The following KCNIP4 variants were observed in gnomAD, a reference collection of about 807,000 sequenced individuals.
The protein encoded by KCNIP4 is Kv channel-interacting protein 4.
A neutral mutation model predicts 34.0 loss-of-function variants in KCNIP4; 12 were observed. The observed-to-expected ratio is 0.35, with a 90% CI of 0.23 to 0.57. KCNIP4 has a LOEUF of 0.57. Ranked by LOEUF, KCNIP4 falls within the 20% of genes least tolerant of loss-of-function variation. The pLI, the probability that KCNIP4 is intolerant of heterozygous loss-of-function variation, is 0.83. For missense variants in KCNIP4, 238 were observed against 311.7 expected, an observed-to-expected ratio of 0.76 and a Z score of 1.78; for synonymous variants, 124 against 102.2, an observed-to-expected ratio of 1.21 and a Z score of -1.29.
intron 1 of KCNIP4, among the ~76,000 whole-genome samples, chr4:21,077,386 C>T (rs1199692928): frequency 1.3e-5 from 2 of 152,224 alleles, no homozygotes; most frequent in East Asian, 1.9e-4. Flanking sequence ...CTTGCCTTCT[C>T]ATTCTATTCT....
rs148880018 is a variant in KCNIP4, at chr4:21,626,794, C to T, written c.61+321777G>A. On this transcript the variant is annotated intron_variant, in intron 1 of 8. Transcript: ENST00000382152. ...ATATGGGTTCTTTTTTCCCATTGAA[C>T]GACAGATCGTTTCTCCACATGATTG... is the stretch of plus-strand genomic sequence containing the variant. 1.8e-3 allele frequency among the ~76,000 whole-genome samples: 269 copies of T among 152,100 alleles called. 10 individuals are homozygous for T. In the South Asian group the frequency reaches 0.048, roughly 27 times the overall value.
Position 21,224,028 on chromosome 4 carries a change from G to A in KCNIP4, c.62-341319C>T, listed in dbSNP as rs533119101. Among the ~76,000 whole-genome samples the A allele has an allele frequency of 3.9e-5, 6 of 152,180 alleles. No homozygotes were observed. In the East Asian group the frequency reaches 5.8e-4, roughly 15 times the overall value. On this transcript the variant is annotated intron_variant, in intron 1 of 8. Transcript: ENST00000382152. ...CTTTGCATTTGGGAGGAAGAAAAAG[G>A]TGATTGCTTTTATTGGCCTACATCT... is the stretch of plus-strand genomic sequence containing the variant.
intron 1 of KCNIP4, among the ~76,000 whole-genome samples, chr4:21,158,136 A>G (rs1753288177): frequency 2.6e-5 from 4 of 152,168 alleles, no homozygotes; most frequent in Admixed American, 2.6e-4. Flanking sequence ...ATAACCCTGT[A>G]TCTGTTAAAC....
intron 1 of KCNIP4, among the ~76,000 whole-genome samples, chr4:21,721,825 C>G (rs1449596113): frequency 1.3e-5 from 2 of 152,006 alleles, no homozygotes; most frequent in African/African-American, 4.8e-5. Context: ...ATGCCCGTCT[C>G]CATAATAATA....
At chr4:21,923,206 C>A (rs570682493) in intron 1 of KCNIP4, among the ~76,000 whole-genome samples, 106 of 152,304 alleles carry the variant, frequency 7.0e-4, no homozygotes, top group African/African-American at 2.5e-3. Flanking sequence ...TAAGCTTCTA[C>A]CAACAGACTG....
intron 1 of KCNIP4, among the ~76,000 whole-genome samples, chr4:21,599,439 A>G (rs1742919807): frequency 7.0e-6 from 1 of 142,146 alleles, no homozygotes; most frequent in Non-Finnish European, 1.5e-5. Flanking sequence ...CTCAAAATGC[A>G]AATTGTAACA....
intron 1 of KCNIP4, among the ~76,000 whole-genome samples, chr4:21,147,118 G>A (rs1395291115): frequency 1.3e-5 from 2 of 152,164 alleles, no homozygotes; most frequent in Non-Finnish European, 2.9e-5. Context: ...AGCCTAGGGA[G>A]TGCCTGGCCT....
chr4:21,037,195 T>C (rs1351848798), intron 1 of KCNIP4, among the ~76,000 whole-genome samples: 1 of 152,204 alleles, frequency 6.6e-6, no homozygotes, highest in African/African-American at 2.4e-5. Context: ...GTTAATTTAT[T>C]ACTGAAGAAA....
At chr4:20,902,034 T>G (rs1727208538) in intron 1 of KCNIP4, among the ~76,000 whole-genome samples, 1 of 152,208 alleles carries the variant, frequency 6.6e-6, no homozygotes, top group Non-Finnish European at 1.5e-5. Flanking sequence ...CATGATGAGC[T>G]TCCAGTGAAT....
chr4:20,849,481 T>C (rs565252382), intron 3 of KCNIP4, among the ~76,000 whole-genome samples: 1 of 152,132 alleles, frequency 6.6e-6, no homozygotes, highest in Non-Finnish European at 1.5e-5. Flanking sequence ...CTGTTGTGGA[T>C]TCCAAAGAAG....
intron 1 of KCNIP4, among the ~76,000 whole-genome samples, chr4:21,182,862 AT>A (rs1335700200): frequency 6.6e-6 from 1 of 152,118 alleles, no homozygotes; most frequent in Non-Finnish European, 1.5e-5. Context: ...GCATGCTCTC[AT>A]TTTTTGTACT....
intron 1 of KCNIP4, among the ~76,000 whole-genome samples, chr4:21,334,239 TTAA>T (rs1715936083): frequency 6.6e-6 from 1 of 151,852 alleles, no homozygotes; most frequent in Non-Finnish European, 1.5e-5. Flanking sequence ...TAAAATAGAG[TTAA>T]TAATAATGTC....
intron 1 of KCNIP4, among the ~76,000 whole-genome samples, chr4:20,942,197 C>T (rs1242660540): frequency 1.3e-5 from 2 of 152,150 alleles, no homozygotes; most frequent in Non-Finnish European, 2.9e-5. Context: ...CTGGCCACTG[C>T]TGCAATGAGT....
At chr4:21,691,545 G>C (rs955719176) in intron 1 of KCNIP4, among the ~76,000 whole-genome samples, 1 of 152,020 alleles carries the variant, frequency 6.6e-6, no homozygotes, top group Non-Finnish European at 1.5e-5. Flanking sequence ...GATCACAATC[G>C]ATGTATAATA....
chr4:20,753,013 A>G (rs1283273342), intron 4 of KCNIP4: 1 of 151,348 alleles, frequency 6.6e-6, no homozygotes, highest in Non-Finnish European at 1.5e-5. Flanking sequence ...TTTACATAAC[A>G]AAAATAGTTA....
intron 1 of KCNIP4, among the ~76,000 whole-genome samples, chr4:21,301,053 G>C (rs1423605082): frequency 6.6e-6 from 1 of 151,890 alleles, no homozygotes; most frequent in Admixed American, 6.6e-5. Flanking sequence ...GTAACTCTTG[G>C]GTTATAAACA....
chr4:21,241,950 G>A (rs1396099276), intron 1 of KCNIP4, among the ~76,000 whole-genome samples: 1 of 151,920 alleles, frequency 6.6e-6, no homozygotes, highest in African/African-American at 2.4e-5. Context: ...GGATCATGAA[G>A]ACAGAGATTG....
intron 1 of KCNIP4, among the ~76,000 whole-genome samples, chr4:21,771,916 C>A (rs1334245829): frequency 6.6e-6 from 1 of 152,098 alleles, no homozygotes; most frequent in African/African-American, 2.4e-5. Flanking sequence ...CCCTTTAATT[C>A]TTTTTCTTGC....
intron 1 of KCNIP4, among the ~76,000 whole-genome samples, chr4:21,856,051 G>C (rs1193900323): frequency 6.6e-6 from 1 of 152,214 alleles, no homozygotes; most frequent in Non-Finnish European, 1.5e-5. Flanking sequence ...GAGCTGACTA[G>C]TAGCTGCCTC....
Sources: allele counts gnomAD v4.1 joint callset (sites outside exome capture counted in the v4.1 genomes callset), GRCh38; gene constraint gnomAD v4.1.1; transcripts MANE v1.5; gene names NCBI Gene and HGNC (gene_info 2026-07-23, HGNC 2026-07-21).